PCDH15: variants seen among roughly 807,000 people sequenced by gnomAD.
The protein encoded by PCDH15 is protocadherin-15.
PCDH15 carries 129 observed loss-of-function variants against 178.5 expected under a neutral mutation model. The observed-to-expected ratio is 0.72, with a 90% CI of 0.63 to 0.84. PCDH15 has a LOEUF of 0.84. PCDH15 is among the 40% of genes least tolerant of loss of function. The pLI, the probability that PCDH15 is intolerant of heterozygous loss-of-function variation, is 0.00. For missense variants in PCDH15, 2,230 were observed against 2,099.9 expected, an observed-to-expected ratio of 1.06 and a Z score of -1.21; for synonymous variants, 800 against 732.0, an observed-to-expected ratio of 1.09 and a Z score of -1.50.
At chr10:53,925,185 C>T (rs1312333761) in intron 25 of PCDH15, among the ~76,000 whole-genome samples, 2 of 152,104 alleles carry the variant, frequency 1.3e-5, no homozygotes, top group African/African-American at 2.4e-5. Context: ...CTCTTTGGTT[C>T]CACGCTGCCT....
chr10:54,310,456 AGATT>A (rs2060834726), intron 8 of PCDH15, among the ~76,000 whole-genome samples: 1 of 152,024 alleles, frequency 6.6e-6, no homozygotes, highest in Admixed American at 6.6e-5. Context: ...ATGGCTTTGG[AGATT>A]GATTGAGTTT....
chr10:55,479,716 T>C (rs577019680), intron 2 of PCDH15, among the ~76,000 whole-genome samples: 3 of 151,076 alleles, frequency 2.0e-5, no homozygotes, highest in South Asian at 4.2e-4. Context: ...AGTCAAATTA[T>C]CCCTCTTTGC....
chr10:54,983,267 AAG>A (rs1839285308), intron 2 of PCDH15, among the ~76,000 whole-genome samples: 1 of 152,166 alleles, frequency 6.6e-6, no homozygotes, highest in African/African-American at 2.4e-5. Context: ...AAATAAGACT[AAG>A]AGAACAATCA....
intron 8 of PCDH15, among the ~76,000 whole-genome samples, chr10:54,286,888 C>A (rs981030490): frequency 1.3e-5 from 2 of 152,142 alleles, no homozygotes; most frequent in Non-Finnish European, 2.9e-5. Flanking sequence ...TCCCAAAGTG[C>A]TGGGATTATA....
chr10:54,544,015 T>C (rs1315070584), intron 2 of PCDH15, among the ~76,000 whole-genome samples: 2 of 152,192 alleles, frequency 1.3e-5, no homozygotes, highest in African/African-American at 2.4e-5. Context: ...TTCTTTATTC[T>C]CAAAGAAAAC....
intron 28 of PCDH15, among the ~76,000 whole-genome samples, chr10:53,843,317 A>C (rs2077772957): frequency 6.6e-6 from 1 of 152,092 alleles, no homozygotes; most frequent in Admixed American, 6.6e-5. Context: ...ATAAAAATCT[A>C]TCTTTTCATT....
At chr10:53,935,822 G>C (rs1324769066) in intron 25 of PCDH15, among the ~76,000 whole-genome samples, 1 of 151,704 alleles carries the variant, frequency 6.6e-6, no homozygotes, top group Non-Finnish European at 1.5e-5. Context: ...CTATGGAGAC[G>C]TTTTTCTTTA....
Position 55,569,032 on chromosome 10 carries a change from C to A in PCDH15, c.-156+58593G>T, listed in dbSNP as rs908510751. On this transcript the variant is annotated intron_variant, in intron 2 of 5. Coordinates refer to the PCDH15 transcript ENST00000613346. ...AAAGCACTCCCTAATGCTGGGACAA[C>A]ATGTCCTCCTTTGAAGAGGCAATAA... 3.3e-5 allele frequency among the ~76,000 whole-genome samples: 5 copies of A among 152,016 alleles called. No homozygotes were observed. The South Asian group carries it at 1.0e-3, about 31-fold the overall frequency.
chr10:54,609,595 A>G (rs535579463), intron 2 of PCDH15, among the ~76,000 whole-genome samples: 1 of 152,150 alleles, frequency 6.6e-6, no homozygotes, highest in African/African-American at 2.4e-5. Flanking sequence ...ATTAAAGACC[A>G]TAAAATAACC....
chr10:53,974,937 C>T (rs189215734), intron 21 of PCDH15, among the ~76,000 whole-genome samples: 27 of 152,202 alleles, frequency 1.8e-4, no homozygotes, highest in Admixed American at 1.6e-3. Context: ...CCTCCTTCCC[C>T]CACCTCCTCT....
intron 28 of PCDH15, among the ~76,000 whole-genome samples, chr10:53,841,262 A>G (rs1589041336): frequency 6.6e-6 from 1 of 152,102 alleles, no homozygotes; most frequent in Admixed American, 6.5e-5. Context: ...TATAAATATT[A>G]AGAGCATATA....
intron 2 of PCDH15, among the ~76,000 whole-genome samples, chr10:54,900,082 T>A (rs1431909422): frequency 6.6e-6 from 1 of 152,200 alleles, no homozygotes; most frequent in Non-Finnish European, 1.5e-5. Context: ...TGTCACTAAT[T>A]GTTTAAATAT....
chr10:55,359,720 G>A (rs1031991528), intron 2 of PCDH15, among the ~76,000 whole-genome samples: 8 of 112,942 alleles, frequency 7.1e-5, no homozygotes, highest in African/African-American at 2.7e-4. Flanking sequence ...AAAATGTGGT[G>A]TATATATATA....
chr10:54,237,672 C>A (rs556491361), intron 8 of PCDH15, among the ~76,000 whole-genome samples: 3 of 152,252 alleles, frequency 2.0e-5, no homozygotes, highest in African/African-American at 4.8e-5. Context: ...CATTACAGCA[C>A]CAAAGCCCAA....
intron 3 of PCDH15, among the ~76,000 whole-genome samples, chr10:54,850,521 T>C (rs536591684): frequency 1.8e-4 from 27 of 152,240 alleles, no homozygotes; most frequent in Non-Finnish European, 2.5e-4. Flanking sequence ...CTCCTACTTG[T>C]GAGTGAGAAC....
intron 3 of PCDH15, among the ~76,000 whole-genome samples, chr10:54,411,120 C>T (rs1197531532): frequency 6.6e-6 from 1 of 152,114 alleles, no homozygotes; most frequent in African/African-American, 2.4e-5. Context: ...CTGCCGCTAC[C>T]ATAACAGGTA....
intron 2 of PCDH15, among the ~76,000 whole-genome samples, chr10:55,005,544 A>T (rs540138932): frequency 6.6e-6 from 1 of 152,178 alleles, no homozygotes; most frequent in Admixed American, 6.5e-5. Flanking sequence ...CCATTTTCTG[A>T]AAGACTTATC....
chr10:54,056,951 CA>C (rs1394116580), intron 18 of PCDH15, among the ~76,000 whole-genome samples: 5 of 152,228 alleles, frequency 3.3e-5, no homozygotes, highest in Admixed American at 6.5e-5. Context: ...GTCCAAAATC[CA>C]ATGGGGAAGT....
chr10:54,655,261 AGAGAG>A (rs2094359053), intron 2 of PCDH15, among the ~76,000 whole-genome samples: 22 of 71,980 alleles, frequency 3.1e-4, no homozygotes, highest in African/African-American at 1.1e-3. Context: ...AAAGAAAGAG[AGAGAG>A]AGAGAGAGAG....
Sources: gnomAD v4.1 joint callset for allele counts (sites outside exome capture counted in the v4.1 genomes callset) on GRCh38, gnomAD v4.1.1 for gene constraint, MANE v1.5 for transcripts, NCBI Gene and HGNC (gene_info 2026-07-23, HGNC 2026-07-21) for gene names.